The following THSD7A variants were observed in gnomAD, a reference collection of about 807,000 sequenced individuals.
The protein encoded by THSD7A is thrombospondin type-1 domain-containing protein 7A.
A neutral mutation model predicts 231.3 loss-of-function variants in THSD7A; 96 were observed. The observed-to-expected ratio is 0.41, with a 90% CI of 0.35 to 0.49. The LOEUF (loss-of-function observed/expected upper bound fraction) is 0.49, where lower values mean the gene tolerates loss of function less well. THSD7A is among the 20% of genes least tolerant of loss of function. THSD7A has a pLI of 0.05. For missense variants in THSD7A, 2,290 were observed against 2,070.2 expected (o/e 1.11, Z -2.06); for synonymous variants, 940 against 743.3 (o/e 1.26, Z -4.30).
intron 1 of THSD7A, among the ~76,000 whole-genome samples, chr7:11,657,521 C>T (rs574414642): frequency 6.6e-6 from 1 of 151,832 alleles, no homozygotes; most frequent in South Asian, 2.1e-4. Flanking sequence ...TAGGTATATC[C>T]TGCTCTCCTT....
chr7:11,564,678 A>G (rs1375819942), intron 4 of THSD7A, among the ~76,000 whole-genome samples: 3 of 152,152 alleles, frequency 2.0e-5, no homozygotes, highest in Non-Finnish European at 4.4e-5. Flanking sequence ...GGTTTTCCCT[A>G]TTTGTATATT....
Position 11,474,599 on chromosome 7 carries a change from A to G in THSD7A, c.2018-31T>C, listed in dbSNP as rs766265392. 5.2e-6 allele frequency: 8 copies of G among 1,543,578 alleles called. No individual in the cohort carries two copies. In the South Asian group the frequency reaches 9.4e-5, roughly 18 times the overall value. On this transcript the variant is annotated intron_variant, in intron 7 of 27. Transcript: ENST00000423059. This position sits in a 1 kb window ranked among gnomAD's most constrained non-coding sequence, Gnocchi z 4.1. ...AACATGGACAATGATAGCAAATTAG[A>G]TACGGTGCCAACAGGAACCTTACCA... is the stretch of plus-strand genomic sequence containing the variant.
chr7:11,659,994 C>T (rs965254843), intron 1 of THSD7A, among the ~76,000 whole-genome samples: 7 of 151,414 alleles, frequency 4.6e-5, no homozygotes, highest in African/African-American at 7.3e-5. Context: ...TCTTACAGAC[C>T]TCCAAGGTAA....
chr7:11,445,509 CGTTT>C (rs1784937806), intron 13 of THSD7A, among the ~76,000 whole-genome samples: 1 of 130,296 alleles, frequency 7.7e-6, no homozygotes, highest in Non-Finnish European at 1.6e-5. Context: ...TTTGTTTGTT[CGTTT>C]GTTTTATGTG....
rs1214236507 is a variant in THSD7A, at chr7:11,375,887, A to G, written c.4890-9T>C. The G allele has an allele frequency of 6.8e-6, 11 of 1,612,044 alleles. No homozygotes were observed. The highest frequency in any genetic ancestry group is 9.3e-6 in the Non-Finnish European group (11 of 1,178,708). ...GTTTCTTTGGCTTTTTGCTGTAAAA[A>G]AATTCGGAATTAGGAGAAAGAAAAT... On this transcript the variant is annotated splice_polypyrimidine_tract_variant and intron_variant, in intron 27 of 27. Transcript: ENST00000423059.
At chr7:11,821,370 C>A (rs1784867792) in intron 1 of THSD7A, 3 of 572,692 alleles carry the variant, frequency 5.2e-6, no homozygotes, top group Admixed American at 2.6e-5. Flanking sequence ...GACTTTTTAT[C>A]TCTTCTCCCT....
intron 6 of THSD7A, among the ~76,000 whole-genome samples, chr7:11,540,153 G>C (rs564005118): frequency 6.6e-6 from 1 of 152,248 alleles, no homozygotes; most frequent in Non-Finnish European, 1.5e-5. Flanking sequence ...TATCACAGCA[G>C]ATTATGCTTA....
Position 11,375,460 on chromosome 7 carries a change from T to C in THSD7A, c.*334A>G, listed in dbSNP as rs182094777. On this transcript the variant is annotated 3_prime_UTR_variant, in exon 28 of 28. Coordinates refer to ENST00000423059, the MANE Select transcript of THSD7A (RefSeq NM_015204.3). Reference sequence around the variant, plus strand: ...GATTAACACTGCAGACGGTCTTGTATCAGGCATCCTAACTGGCCAATTCCA... The same window carrying C: ...GATTAACACTGCAGACGGTCTTGTACCAGGCATCCTAACTGGCCAATTCCA... The C allele has an allele frequency of 3.7e-3, 734 of 197,084 alleles. 11 individuals carry two copies. The highest frequency in any genetic ancestry group is 0.016 in the African/African-American group (677 of 42,886). The allele number at this position is 197,084 out of a possible 1,614,324, so 12.2% of individuals were successfully genotyped here. A position where few individuals can be genotyped will look rare whatever the true frequency, so the allele number is the denominator to read the frequency against.
At chr7:11,412,122 G>A (rs1783807626) in intron 18 of THSD7A, among the ~76,000 whole-genome samples, 2 of 152,126 alleles carry the variant, frequency 1.3e-5, no homozygotes, top group Admixed American at 1.3e-4. Flanking sequence ...TATTAAATGA[G>A]TTTTAGGGGA....
chr7:11,524,601 T>C (rs1263591285), intron 6 of THSD7A, among the ~76,000 whole-genome samples: 1 of 152,110 alleles, frequency 6.6e-6, no homozygotes, highest in Non-Finnish European at 1.5e-5. Flanking sequence ...TTACAGTCTT[T>C]ATATGTGGCT....
intron 8 of THSD7A, among the ~76,000 whole-genome samples, chr7:11,473,798 C>T (rs35647462): frequency 0.19 from 29,099 of 152,044 alleles, 3,205 homozygotes; most frequent in South Asian, 0.31. Context: ...TAACACTCAT[C>T]CTATCCCAAG....
intron 1 of THSD7A, among the ~76,000 whole-genome samples, chr7:11,809,931 A>C (rs1262861618): frequency 6.6e-6 from 1 of 152,184 alleles, no homozygotes; most frequent in African/African-American, 2.4e-5. Flanking sequence ...TAGTGGTTCT[A>C]GAACAATGGG....
chr7:11,512,771 C>A (rs1449190172), intron 6 of THSD7A, among the ~76,000 whole-genome samples: 43 of 109,616 alleles, frequency 3.9e-4, no homozygotes, highest in African/African-American at 1.5e-3. Flanking sequence ...CACACCCAGG[C>A]CTGTCATGGG....
At chr7:11,390,824 G>C (rs575885937) in intron 23 of THSD7A, among the ~76,000 whole-genome samples, 64 of 151,932 alleles carry the variant, frequency 4.2e-4, no homozygotes, top group Admixed American at 3.9e-4. Context: ...CTTTCTGTTT[G>C]TTAATTTTTC....
intron 1 of THSD7A, among the ~76,000 whole-genome samples, chr7:11,685,310 C>A (rs1279727524): frequency 1.3e-5 from 2 of 151,662 alleles, no homozygotes; most frequent in Admixed American, 1.3e-4. Context: ...TGGAATTTGG[C>A]CTAGGTAAAA....
intron 1 of THSD7A, among the ~76,000 whole-genome samples, chr7:11,667,463 T>C (rs918260795): frequency 6.6e-6 from 1 of 152,160 alleles, no homozygotes; most frequent in African/African-American, 2.4e-5. Context: ...TCATTTTTTA[T>C]TACATACTCT....
At chr7:11,687,758 C>A (rs1166802693) in intron 1 of THSD7A, among the ~76,000 whole-genome samples, 1 of 151,792 alleles carries the variant, frequency 6.6e-6, no homozygotes, top group Non-Finnish European at 1.5e-5. Flanking sequence ...AGGCTATGTG[C>A]CAGTCACTGA....
At chr7:11,760,604 T>A (rs1267727790) in intron 1 of THSD7A, among the ~76,000 whole-genome samples, 1 of 152,050 alleles carries the variant, frequency 6.6e-6, no homozygotes, top group Non-Finnish European at 1.5e-5. Context: ...ATTACAGCAA[T>A]ATAGCCTCTA....
chr7:11,691,988 T>C (rs1302920132), intron 1 of THSD7A, among the ~76,000 whole-genome samples: 1 of 151,444 alleles, frequency 6.6e-6, no homozygotes, highest in Non-Finnish European at 1.5e-5. Context: ...CAAAAGGAAA[T>C]TCTATATTAA....
Sources: allele counts gnomAD v4.1 joint callset (sites outside exome capture counted in the v4.1 genomes callset), GRCh38; gene constraint gnomAD v4.1.1; non-coding constraint Gnocchi (gnomAD v3.1); transcripts MANE v1.5; gene names NCBI Gene and HGNC (gene_info 2026-07-23, HGNC 2026-07-21).